DNAH3: variants seen among roughly 807,000 people sequenced by gnomAD.
The protein encoded by DNAH3 is axonemal beta dynein heavy chain 3.
DNAH3 carries 332 observed loss-of-function variants against 432.5 expected under a neutral mutation model. The ratio of observed to expected loss-of-function variants is 0.77; its 90% CI spans 0.70 to 0.84. The LOEUF (loss-of-function observed/expected upper bound fraction) is 0.84. Among genes scored for constraint, DNAH3 ranks in the 40% least tolerant of loss-of-function variants. The pLI, the probability that DNAH3 is intolerant of heterozygous loss-of-function variation, is 0.00. For synonymous variants in DNAH3, 1,956 were observed against 1,900.2 expected (o/e 1.03, Z -0.76); for missense variants, 4,861 against 5,114.0 (o/e 0.95, Z 1.51).
intron 24 of DNAH3, among the ~76,000 whole-genome samples, chr16:21,064,171 G>A (rs906496818): frequency 6.6e-6 from 1 of 152,170 alleles, no homozygotes; most frequent in Non-Finnish European, 1.5e-5. Context: ...TAGGCATCAA[G>A]AGGCCATGAT....
chr16:21,041,845 G>C (rs1470093883), intron 32 of DNAH3, among the ~76,000 whole-genome samples, 182 bp downstream of exon 32: 2 of 152,064 alleles, frequency 1.3e-5, no homozygotes, highest in Non-Finnish European at 2.9e-5. Context: ...GCTAATTTTT[G>C]TATTTTTAGT....
chr16:21,141,835 G>C (rs890909971), intron 3 of DNAH3, among the ~76,000 whole-genome samples: 13 of 151,786 alleles, frequency 8.6e-5, no homozygotes, highest in African/African-American at 3.1e-4. Context: ...CAGATCACCT[G>C]AGGTCAGGAG....
At chr16:20,954,886 C>T (rs144756048) in exon 55 of DNAH3, 10 of 1,614,054 alleles carry the variant, frequency 6.2e-6, no homozygotes, top group Non-Finnish European at 8.5e-6. Context: ...TCTTTTGCCA[C>T]ATCACCGCCT....
At chr16:21,020,397 A>ATTTT (rs56049638) in intron 40 of DNAH3, among the ~76,000 whole-genome samples, 7 of 34,594 alleles carry the variant, frequency 2.0e-4, no homozygotes, top group East Asian at 1.7e-3. Flanking sequence ...ATATATATAT[A>ATTTT]TTTTTTTTTT....
intron 37 of DNAH3, 32 bp downstream of exon 37, chr16:21,031,013 C>G (rs1222520054): frequency 1.2e-6 from 2 of 1,610,308 alleles, no homozygotes; most frequent in Non-Finnish European, 1.7e-6. Flanking sequence ...ATGTCTCACT[C>G]ATGGAAAAGT....
intron 59 of DNAH3, among the ~76,000 whole-genome samples, chr16:20,941,190 TGAATGAATGG>T (rs2083794076): frequency 1.3e-5 from 2 of 152,198 alleles, no homozygotes; most frequent in Non-Finnish European, 2.9e-5. Flanking sequence ...AGATGTCACA[TGAATGAATGG>T]GAATGAATGA....
At chr16:21,125,361 G>A in exon 9 of DNAH3, 5 of 1,603,202 alleles carry the variant, frequency 3.1e-6, no homozygotes, top group South Asian at 2.2e-5. Flanking sequence ...GGGCGCAGGT[G>A]GGGATCCACC....
Position 21,031,123 on chromosome 16 carries a change from G to GCGAT in DNAH3, c.5357_5360dup (p.Lys1788SerfsTer7), listed in dbSNP as rs745308277. The GCGAT allele has an allele frequency of 6.2e-7, 1 of 1,614,046 alleles. No homozygotes were observed. The highest frequency in any genetic ancestry group is 2.2e-5 in the East Asian group (1 of 44,882). ...CTGGCCCATCAAATATAATCCACTT[G>GCGAT]CGATCATCAGAGAGTGAAGACGCTT... On this transcript the variant is annotated frameshift_variant, in exon 37 of 62. Coordinates refer to ENST00000261383, the Ensembl canonical transcript of DNAH3. LOFTEE classifies it high-confidence loss of function.
In DNAH3 at chr16:21,145,217, G is replaced by A. The variant is rs140484344; in HGVS notation, c.412C>T (p.Pro138Ser). 2 of 1,612,738 alleles carry A rather than the reference G, an allele frequency of 1.2e-6. No homozygotes were observed. The highest frequency in any genetic ancestry group is 1.7e-6 in the Non-Finnish European group (2 of 1,179,452). The change falls in exon 3 of 62, where the codon CCT (proline) becomes TCT (serine). Residue 138 changes from proline (P) to serine (S), a missense_variant. Physicochemically the swap from Pro to Ser is moderately conservative, Grantham distance 74. Coordinates refer to ENST00000261383, the Ensembl canonical transcript of DNAH3. ...AGCCCCTGACCGGTCCTGTCCCTAG[G>A]GACACTGATGGTGGCCGGTTGGTAG...
chr16:21,120,018 CT>C (rs2092301468), intron 11 of DNAH3, among the ~76,000 whole-genome samples: 1 of 151,756 alleles, frequency 6.6e-6, no homozygotes, highest in Admixed American at 6.6e-5. Context: ...CACAAATATG[CT>C]TTCCTGCTTT....
At chr16:21,145,186 G>A (rs1344227177) in exon 3 of DNAH3, 8 of 1,610,434 alleles carry the variant, frequency 5.0e-6, no homozygotes, top group South Asian at 3.3e-5. Flanking sequence ...AGTACCTGAT[G>A]ATGGCAGCCC....
intron 20 of DNAH3, among the ~76,000 whole-genome samples, chr16:21,077,373 C>T (rs1021445792): frequency 2.0e-5 from 3 of 152,066 alleles, no homozygotes; most frequent in Non-Finnish European, 2.9e-5. Flanking sequence ...ATATTGGCCA[C>T]GCTGGTCTTG....
At chr16:20,961,224 C>T (rs2152615363) in intron 53 of DNAH3, among the ~76,000 whole-genome samples, 1 of 152,262 alleles carries the variant, frequency 6.6e-6, no homozygotes, top group Admixed American at 6.5e-5. Flanking sequence ...TTCCAGGTAC[C>T]TCAGAATGTA....
intron 5 of DNAH3, 21 bp from the exon 7 acceptor site, chr16:21,136,534 G>C: frequency 6.2e-7 from 1 of 1,611,232 alleles, no homozygotes. Context: ...CAAACCACCA[G>C]CGAGAAAATG....
At position 20,942,298 on chromosome 16, in the gene DNAH3, T is replaced by C. The variant is rs916642292; in HGVS notation, c.11512-755A>G. Among the ~76,000 whole-genome samples, 5 of 152,268 alleles carry C rather than the reference T, an allele frequency of 3.3e-5. No homozygotes were observed. In the East Asian group the frequency reaches 7.7e-4, roughly 24 times the overall value. ...CACCTGGGAAAGCAGCAGGCCATTCTTCAGCATTGGAGCAAGAAAAGCACA... is the reference window on the plus strand; with the variant it reads ...CACCTGGGAAAGCAGCAGGCCATTCCTCAGCATTGGAGCAAGAAAAGCACA... On this transcript the variant is annotated intron_variant, in intron 58 of 61. Transcript: ENST00000261383.
At chr16:21,086,112 C>T (rs1214138817) in intron 19 of DNAH3, among the ~76,000 whole-genome samples, 1 of 152,066 alleles carries the variant, frequency 6.6e-6, no homozygotes, top group Non-Finnish European at 1.5e-5. Context: ...AGAATCTTCC[C>T]AAAGAAAGCC....
intron 24 of DNAH3, chr16:21,062,937 C>T (rs1448665384): frequency 2.3e-6 from 1 of 439,052 alleles, no homozygotes; most frequent in African/African-American, 2.0e-5. Flanking sequence ...ATCCTCTCTC[C>T]TCAGCCTCCT....
chr16:21,096,137 T>G (rs1433377000), intron 18 of DNAH3, among the ~76,000 whole-genome samples: 1 of 147,358 alleles, frequency 6.8e-6, no homozygotes, highest in African/African-American at 2.5e-5. Context: ...GTCTCTGATT[T>G]TTTTTTTTTT....
intron 6 of DNAH3, among the ~76,000 whole-genome samples, chr16:21,135,461 G>A (rs2092629181): frequency 6.6e-6 from 1 of 152,190 alleles, no homozygotes; most frequent in African/African-American, 2.4e-5. Flanking sequence ...GAGAGGCTGA[G>A]GTGGGTAGAT....
Sources: allele counts gnomAD v4.1 joint callset (sites outside exome capture counted in the v4.1 genomes callset), GRCh38; gene constraint gnomAD v4.1.1; transcripts MANE v1.5; gene names NCBI Gene and HGNC (gene_info 2026-07-23, HGNC 2026-07-21).